Variants in EYS observed in about 807,000 individuals in gnomAD.
EYS encodes the protein EGF-like photoreceptor maintenance factor, also known as protein eyes shut homolog.
A neutral mutation model predicts 282.1 loss-of-function variants in EYS; 250 were observed. The observed-to-expected ratio is 0.89, with a 90% CI of 0.80 to 0.98. The LOEUF is 0.98. EYS is among the 50% of genes least tolerant of loss of function. The probability of loss-of-function intolerance (pLI) is 0.00; values close to 1 mark genes in which losing one functional copy is unlikely to be tolerated. For missense variants in EYS, 4,016 were observed against 3,709.0 expected (o/e 1.08, Z -2.15); for synonymous variants, 1,355 against 1,282.9 (o/e 1.06, Z -1.20).
At chr6:65,124,334 A>T (rs1775656660) in intron 12 of EYS, among the ~76,000 whole-genome samples, 1 of 152,192 alleles carries the variant, frequency 6.6e-6, no homozygotes, top group Admixed American at 6.5e-5. Flanking sequence ...CCAGATGAAT[A>T]AATTTGTTGC....
At chr6:65,201,883 CAGGTACATCATTTGAGGCCAGGAGTTTG>C (rs1765911065) in intron 12 of EYS, among the ~76,000 whole-genome samples, 1 of 151,946 alleles carries the variant, frequency 6.6e-6, no homozygotes, top group African/African-American at 2.4e-5. Context: ...GAAGCCGAGG[CAGGTACATCATTTGAGGCCAGGAGTTTG>C]AGGCCAGCCT....
chr6:64,373,487 G>A (rs1772456911), intron 29 of EYS, among the ~76,000 whole-genome samples: 1 of 152,160 alleles, frequency 6.6e-6, no homozygotes, highest in Admixed American at 6.5e-5. Context: ...GATTGTGCCT[G>A]CATGCAGAGT....
chr6:65,222,332 G>A (rs1422955522), intron 12 of EYS, among the ~76,000 whole-genome samples: 4 of 152,120 alleles, frequency 2.6e-5, no homozygotes, highest in Non-Finnish European at 5.9e-5. Context: ...ATTGAATCAT[G>A]GGGGTGGGAT....
At chr6:65,378,972 A>C (rs1167721543) in intron 8 of EYS, among the ~76,000 whole-genome samples, 1 of 152,082 alleles carries the variant, frequency 6.6e-6, no homozygotes, top group Non-Finnish European at 1.5e-5. Flanking sequence ...ACCATGTCAC[A>C]TGTATACTTA....
At chr6:64,021,209 C>A (rs191374656) in intron 33 of EYS, among the ~76,000 whole-genome samples, 185 of 151,580 alleles carry the variant, frequency 1.2e-3, no homozygotes, top group Middle Eastern at 3.4e-3. Flanking sequence ...GCTGTTTTTG[C>A]AAAAGCCATT....
At chr6:63,955,191 C>A (rs370296937) in intron 35 of EYS, among the ~76,000 whole-genome samples, 1 of 152,144 alleles carries the variant, frequency 6.6e-6, no homozygotes, top group Non-Finnish European at 1.5e-5. Context: ...GGCCTTCCCA[C>A]CTCTATACAC....
intron 12 of EYS, among the ~76,000 whole-genome samples, chr6:65,058,162 T>C (rs929308387): frequency 6.6e-6 from 1 of 152,122 alleles, no homozygotes; most frequent in African/African-American, 2.4e-5. Flanking sequence ...TTCATTTGTT[T>C]GTTTTGGAGA....
At chr6:64,332,167 T>G (rs1256191919) in intron 29 of EYS, among the ~76,000 whole-genome samples, 5 of 152,126 alleles carry the variant, frequency 3.3e-5, no homozygotes, top group Admixed American at 3.3e-4. Context: ...TCATCTAAGG[T>G]GAGATCAGGT....
At chr6:65,664,027 C>T (rs568142069) in intron 1 of EYS, among the ~76,000 whole-genome samples, 18 of 152,024 alleles carry the variant, frequency 1.2e-4, no homozygotes, top group African/African-American at 4.3e-4. Context: ...GCGGCCACCA[C>T]GCCCGGCTAA....
intron 13 of EYS, among the ~76,000 whole-genome samples, chr6:65,009,124 C>G (rs1336370136): frequency 6.6e-6 from 1 of 152,018 alleles, no homozygotes; most frequent in Non-Finnish European, 1.5e-5. Context: ...ATCCTAAAGT[C>G]TAGGCAACAG....
chr6:65,035,399 G>A (rs1772735942), intron 13 of EYS, among the ~76,000 whole-genome samples: 1 of 150,596 alleles, frequency 6.6e-6, no homozygotes, highest in Non-Finnish European at 1.5e-5. Flanking sequence ...AGGAAGAGAG[G>A]AAGTCACCAT....
At chr6:63,850,476 A>T (rs1581892411) in intron 36 of EYS, among the ~76,000 whole-genome samples, 1 of 152,248 alleles carries the variant, frequency 6.6e-6, no homozygotes, top group Admixed American at 6.5e-5. Flanking sequence ...CTAACAGTGG[A>T]TGTCTCTGCA....
In EYS at chr6:64,626,176, T is replaced by G. The variant is rs1767603467; in HGVS notation, c.3513A>C (p.Leu1171=). The change falls in exon 23 of 43, where the codon CTA becomes CTC. Residue 1171 remains leucine (L), a synonymous_variant. Coordinates refer to ENST00000503581, the MANE Select transcript of EYS (RefSeq NM_001142800.2). ...NINECSSSPC[L]HGADCEDHIN... is the part of the protein sequence containing the mutation. The stretch of plus-strand genomic sequence containing the variant: ...TGTGATCTTCACAGTCTGCACCATG[T>G]AGACATGGTGATGAAGAGCATTCAT... 7.1e-6 allele frequency: 11 copies of G among 1,545,222 alleles called. No individual in the cohort carries two copies. Among genetic ancestry groups the G allele is most frequent in the Non-Finnish European group, 9.6e-6 (11 of 1,145,384 alleles).
At chr6:65,005,899 C>T (rs1025982446) in intron 13 of EYS, among the ~76,000 whole-genome samples, 1 of 152,194 alleles carries the variant, frequency 6.6e-6, no homozygotes, top group African/African-American at 2.4e-5. Context: ...TGGGTCCCGA[C>T]CACGACTTTT....
intron 39 of EYS, among the ~76,000 whole-genome samples, chr6:63,781,870 G>A (rs1041030066): frequency 6.6e-6 from 1 of 152,142 alleles, no homozygotes; most frequent in African/African-American, 2.4e-5. Flanking sequence ...CATTCAGTAT[G>A]ATATTGGCTG....
chr6:65,615,410 A>C (rs201176831), intron 2 of EYS, among the ~76,000 whole-genome samples: 1 of 146,444 alleles, frequency 6.8e-6, no homozygotes, highest in African/African-American at 2.6e-5. Flanking sequence ...ATGTGTGTGT[A>C]TATATAAATA....
chr6:65,242,948 A>G (rs1203128776), intron 12 of EYS, among the ~76,000 whole-genome samples: 1 of 152,136 alleles, frequency 6.6e-6, no homozygotes, highest in Non-Finnish European at 1.5e-5. Flanking sequence ...TGCTTTGCTC[A>G]TATTTTAATG....
In EYS at chr6:65,516,725, CA is replaced by C. The variant is rs200630965; in HGVS notation, c.-332-20733del. Among the ~76,000 whole-genome samples, 506 of 152,166 alleles carry C rather than the reference CA, an allele frequency of 3.3e-3. 18 individuals carry two copies. The highest frequency in any genetic ancestry group is 0.029 in the Admixed American group (448 of 15,262). On this transcript the variant is annotated intron_variant, in intron 2 of 42. Transcript: ENST00000503581. ...TACATCCATTTTACATGAGGATGTA[CA>C]AAGGCACAAGGATGCCTGGTATTAC...
At chr6:63,754,799 C>T (rs1163804596) in intron 41 of EYS, among the ~76,000 whole-genome samples, 1 of 152,196 alleles carries the variant, frequency 6.6e-6, no homozygotes, top group Non-Finnish European at 1.5e-5. Flanking sequence ...CTAATTTACA[C>T]TCCCACCAAC....
Sources: allele counts gnomAD v4.1 joint callset (sites outside exome capture counted in the v4.1 genomes callset), GRCh38; gene constraint gnomAD v4.1.1; transcripts MANE v1.5; gene names NCBI Gene and HGNC (gene_info 2026-07-23, HGNC 2026-07-21).